The following CLIC5 variants were observed in gnomAD, a reference collection of about 807,000 sequenced individuals.
CLIC5 encodes the protein CLIC family member 5.
CLIC5 carries 20 observed loss-of-function variants against 24.7 expected under a neutral mutation model. The ratio of observed to expected loss-of-function variants is 0.81; its 90% confidence interval spans 0.57 to 1.18. The LOEUF (loss-of-function observed/expected upper bound fraction) is 1.18, where lower values mean the gene tolerates loss of function less well. CLIC5 is among the 50% of genes most tolerant of loss of function. The pLI, the probability that CLIC5 is intolerant of heterozygous loss-of-function variation, is 0.00. For missense variants in CLIC5, 341 were observed against 326.1 expected, an observed-to-expected ratio of 1.05 and a Z score of -0.35; for synonymous variants, 159 against 135.6, an observed-to-expected ratio of 1.17 and a Z score of -1.20.
Position 45,881,208 on chromosome 6 carries a change from AGGATTTGAGTT to A in CLIC5, c.624-31_624-21del, listed in dbSNP as rs1762260092. 1.0e-5 allele frequency: 4 copies of A among 398,222 alleles called. No individual in the cohort carries two copies. The South Asian group carries it at 5.1e-4, about 51-fold the overall frequency. 24.7% of individuals were successfully genotyped at this position (398,222 alleles called of 1,614,324 possible). A position where few individuals can be genotyped will look rare whatever the true frequency, so the allele number is the denominator to read the frequency against. On this transcript the variant is annotated intron_variant, in intron 6 of 6. Transcript: ENST00000644324. ...AGAAAGCTGAAAGTAAAGAAACAAC[AGGATTTGAGTT>A]GGAGCCAATTTAATGGGCCAAGAGG...
chr6:46,124,120 G>C, the CLIC5 span, among the ~76,000 whole-genome samples: 4 of 152,100 alleles, frequency 2.6e-5, no homozygotes, highest in East Asian at 7.7e-4. Context: ...AGCCCACATT[G>C]CCAAGTCAAT....
chr6:45,993,061 A>T (rs1248110970), intron 1 of CLIC5, among the ~76,000 whole-genome samples: 1 of 152,206 alleles, frequency 6.6e-6, no homozygotes, highest in Non-Finnish European at 1.5e-5. Flanking sequence ...GTTCTGGTCC[A>T]GTGATTCTTG....
At chr6:45,907,581 T>C (rs895264682) in intron 5 of CLIC5, among the ~76,000 whole-genome samples, 1 of 152,182 alleles carries the variant, frequency 6.6e-6, no homozygotes, top group African/African-American at 2.4e-5. Flanking sequence ...TATTTTGGAA[T>C]AGTTTAAGTA....
intron 1 of CLIC5, among the ~76,000 whole-genome samples, chr6:45,995,188 A>G (rs1345046281): frequency 6.6e-6 from 1 of 152,236 alleles, no homozygotes; most frequent in Non-Finnish European, 1.5e-5. Flanking sequence ...TGAACAAGCC[A>G]CTTAACCATT....
intron 1 of CLIC5, among the ~76,000 whole-genome samples, chr6:46,026,361 A>G (rs914786566): frequency 3.3e-5 from 5 of 152,360 alleles, no homozygotes; most frequent in African/African-American, 1.2e-4. Flanking sequence ...AATCTCAAAG[A>G]AATAGAATAA....
At chr6:45,961,887 C>CAA (rs779748718) in intron 1 of CLIC5, among the ~76,000 whole-genome samples, 2 of 152,084 alleles carry the variant, frequency 1.3e-5, no homozygotes, top group Non-Finnish European at 2.9e-5. Flanking sequence ...CAGAGATCCT[C>CAA]AACATTTATC....
At chr6:46,021,118 A>G (rs1222312715) in intron 1 of CLIC5, among the ~76,000 whole-genome samples, 1 of 151,680 alleles carries the variant, frequency 6.6e-6, no homozygotes, top group Non-Finnish European at 1.5e-5. Flanking sequence ...AACCCAGCTA[A>G]AAAAATAGGC....
intron 4 of CLIC5, among the ~76,000 whole-genome samples, chr6:45,929,930 G>T (rs1763661946): frequency 1.3e-5 from 2 of 152,352 alleles, no homozygotes; most frequent in South Asian, 4.1e-4. Flanking sequence ...GAGAAGGGGG[G>T]TGCCGCATCC....
the CLIC5 span, among the ~76,000 whole-genome samples, chr6:46,112,717 G>C: frequency 7.9e-5 from 12 of 152,128 alleles, no homozygotes; most frequent in Admixed American, 3.9e-4. Context: ...TGCAGCAAAG[G>C]TTCTGAGGCA....
chr6:46,107,732 A>T, the CLIC5 span, among the ~76,000 whole-genome samples: 1 of 152,120 alleles, frequency 6.6e-6, no homozygotes, highest in Non-Finnish European at 1.5e-5. Flanking sequence ...GAATAAAAAT[A>T]ATAATAGATA....
chr6:46,042,091 T>G (rs948536568), intron 1 of CLIC5, among the ~76,000 whole-genome samples: 2 of 152,180 alleles, frequency 1.3e-5, no homozygotes. Context: ...ATGTTCTCTT[T>G]TATTGATTTT....
chr6:45,921,615 A>T (rs1763264021), intron 4 of CLIC5, among the ~76,000 whole-genome samples: 1 of 131,476 alleles, frequency 7.6e-6, no homozygotes, highest in African/African-American at 2.9e-5. Flanking sequence ...GAAAGATGAG[A>T]GAAGAGATAG....
chr6:46,015,356 G>C (rs554829342), intron 1 of CLIC5, 124 bp downstream of exon 1: 3 of 978,888 alleles, frequency 3.1e-6, no homozygotes, highest in Non-Finnish European at 4.2e-6. Context: ...GAAAGGCCAC[G>C]GGGGAGCACA....
chr6:45,916,174 C>G (rs1231673402), intron 4 of CLIC5, among the ~76,000 whole-genome samples: 1 of 152,202 alleles, frequency 6.6e-6, no homozygotes, highest in Admixed American at 6.5e-5. Context: ...TGTTTGAAAA[C>G]TGCCTGGAGG....
At chr6:45,973,704 C>T (rs1024023611) in intron 1 of CLIC5, among the ~76,000 whole-genome samples, 11 of 152,072 alleles carry the variant, frequency 7.2e-5, no homozygotes, top group East Asian at 5.8e-4. Flanking sequence ...TTTGGGAGGC[C>T]GAGGCGGGCG....
chr6:46,100,350 A>G, the CLIC5 span, among the ~76,000 whole-genome samples: 3 of 152,234 alleles, frequency 2.0e-5, no homozygotes, highest in Non-Finnish European at 4.4e-5. Flanking sequence ...TCCCATTTTA[A>G]AGATGAAAAA....
chr6:45,906,450 A>G (rs1046006871), intron 5 of CLIC5, among the ~76,000 whole-genome samples: 13 of 151,860 alleles, frequency 8.6e-5, no homozygotes, highest in Admixed American at 2.6e-4. Context: ...GTAGTCCTAG[A>G]TATTTTATTT....
At chr6:45,887,888 AAG>A (rs1279807623) in intron 6 of CLIC5, among the ~76,000 whole-genome samples, 1 of 152,214 alleles carries the variant, frequency 6.6e-6, no homozygotes, top group Non-Finnish European at 1.5e-5. Context: ...GGGCTCTTAG[AAG>A]AGAGAGAGAA....
chr6:45,970,205 TC>T (rs1466599626), intron 1 of CLIC5, among the ~76,000 whole-genome samples: 1 of 152,158 alleles, frequency 6.6e-6, no homozygotes, highest in Non-Finnish European at 1.5e-5. Flanking sequence ...CCAACTAATT[TC>T]TTCTGAGCCC....
Sources: gnomAD v4.1 joint callset for allele counts (sites outside exome capture counted in the v4.1 genomes callset) on GRCh38, gnomAD v4.1.1 for gene constraint, MANE v1.5 for transcripts, NCBI Gene and HGNC (gene_info 2026-07-23, HGNC 2026-07-21) for gene names.